Variants in TBC1D9 observed in about 807,000 individuals in gnomAD.
The protein encoded by TBC1D9 is TBC1 domain family member 9, also known as TBC1 domain family member 9A.
Under a neutral mutation model 132.0 loss-of-function variants are expected in TBC1D9, and 63 were observed. That is an observed-to-expected ratio of 0.48 (90% CI 0.39 to 0.59). The LOEUF (loss-of-function observed/expected upper bound fraction) is 0.59, where lower values mean the gene tolerates loss of function less well. Ranked by LOEUF, TBC1D9 falls within the 20% of genes least tolerant of loss-of-function variation. The pLI is 0.00. For synonymous variants in TBC1D9, 610 were observed against 609.9 expected, an observed-to-expected ratio of 1.00 and a Z score of 0.00; for missense variants, 1,261 against 1,592.7, an observed-to-expected ratio of 0.79 and a Z score of 3.54.
At chr4:140,649,564 T>C (rs1025823797) in intron 13 of TBC1D9, among the ~76,000 whole-genome samples, 1 of 152,106 alleles carries the variant, frequency 6.6e-6, no homozygotes, top group African/African-American at 2.4e-5. Flanking sequence ...AAGCCTAACA[T>C]TACAGGAGGC....
Position 140,712,271 on chromosome 4 carries a change from A to G in TBC1D9, c.131-10657T>C, listed in dbSNP as rs1056012389. ...TCCCTCTGGTATACGGAGTTCATCA[A>G]TGCTACAAACTGGTACGTATTCATA... On this transcript the variant is annotated intron_variant, in intron 1 of 20. Coordinates refer to ENST00000442267, the MANE Select transcript of TBC1D9 (RefSeq NM_015130.3). 10 of 150,116 alleles carry G rather than the reference A, an allele frequency of 6.7e-5. No individual in the cohort carries two copies. The Admixed American group carries it at 6.9e-4, about 10-fold the overall frequency. 9.3% of individuals were successfully genotyped at this position (150,116 alleles called of 1,614,324 possible).
intron 7 of TBC1D9, among the ~76,000 whole-genome samples, chr4:140,670,283 C>T (rs932374013): frequency 3.3e-5 from 5 of 152,182 alleles, no homozygotes; most frequent in African/African-American, 1.2e-4. Flanking sequence ...AGATAGTCAC[C>T]TATCTTTTCA....
At chr4:140,639,245 G>A in intron 14 of TBC1D9, 85 bp downstream of exon 14, 2 of 1,472,336 alleles carry the variant, frequency 1.4e-6, no homozygotes, top group Non-Finnish European at 1.9e-6. Flanking sequence ...ATTGTTTTCA[G>A]TTCTGTCAGG....
Position 140,668,955 on chromosome 4 carries a change from G to C in TBC1D9, c.1550C>G (p.Pro517Arg). Residue 517 changes from proline to arginine, a missense_variant, in exon 9 of 21, where the codon CCG becomes CGG. This residue lies in a region of TBC1D9 where 550 missense variants were observed against 699.0 expected (regional missense o/e 0.79). Coordinates refer to ENST00000442267, the MANE Select transcript of TBC1D9 (RefSeq NM_015130.3). ...CCAGAGCTCCCCACGCATGCTCTCC[G>C]GGATGCCCTTCAACACCAGCTCCCG... ...KTRELVLKGI[P>R]ESMRGELWLL... 2 of 1,613,906 alleles carry C rather than the reference G, an allele frequency of 1.2e-6. No homozygotes were observed. The highest frequency in any genetic ancestry group is 1.1e-5 in the South Asian group (1 of 91,052).
chr4:140,708,861 T>C (rs575999899), intron 1 of TBC1D9, among the ~76,000 whole-genome samples: 4 of 152,154 alleles, frequency 2.6e-5, no homozygotes, highest in Non-Finnish European at 5.9e-5. Flanking sequence ...TTCTGTTCCG[T>C]GACCTCAAAG....
intron 3 of TBC1D9, among the ~76,000 whole-genome samples, chr4:140,681,228 A>C (rs575225735): frequency 6.6e-6 from 1 of 152,224 alleles, no homozygotes; most frequent in South Asian, 2.1e-4. Context: ...CCCATTCTAC[A>C]TGCCTGAAAT....
chr4:140,663,889 G>A (rs1054914752), intron 9 of TBC1D9, among the ~76,000 whole-genome samples: 1 of 151,974 alleles, frequency 6.6e-6, no homozygotes, highest in East Asian at 1.9e-4. Flanking sequence ...AGCTAAGGAA[G>A]GGGAAAAATG....
At position 140,670,934 on chromosome 4, in the gene TBC1D9, G is replaced by C. The variant is rs1737526067; in HGVS notation, c.1060-8C>G. 3 of 1,613,040 alleles carry C rather than the reference G, an allele frequency of 1.9e-6. No homozygotes were observed. The highest frequency in any genetic ancestry group is 2.5e-6 in the Non-Finnish European group (3 of 1,179,102). ...CTTTTCCACAATTGTCACCTGAAAA[G>C]AAGTGGGAAACAAAGAGCATTATTT... On this transcript the variant is annotated splice_polypyrimidine_tract_variant and splice_region_variant and intron_variant, in intron 6 of 20. Coordinates refer to ENST00000442267, the MANE Select transcript of TBC1D9 (RefSeq NM_015130.3).
chr4:140,719,023 G>C (rs1738382282), intron 1 of TBC1D9, among the ~76,000 whole-genome samples: 1 of 151,934 alleles, frequency 6.6e-6, no homozygotes, highest in South Asian at 2.1e-4. Flanking sequence ...GCTGAGGCAG[G>C]AGAATCACTT....
intron 13 of TBC1D9, chr4:140,644,145 T>G: frequency 2.7e-6 from 1 of 372,526 alleles, no homozygotes. Flanking sequence ...CAGGAAAGGG[T>G]AGGGCCTCCC....
intron 1 of TBC1D9, among the ~76,000 whole-genome samples, chr4:140,752,770 A>T (rs539303465): frequency 5.3e-5 from 8 of 152,290 alleles, no homozygotes; most frequent in African/African-American, 7.2e-5. Flanking sequence ...CTTAATTTTT[A>T]AAAAATGTTA....
rs776432652 is a variant in TBC1D9, at chr4:140,622,167, C to T, written c.*28G>A. On this transcript the variant is annotated 3_prime_UTR_variant, in exon 21 of 21. Coordinates refer to ENST00000442267, the MANE Select transcript of TBC1D9 (RefSeq NM_015130.3). The stretch of plus-strand genomic sequence containing the variant: ...ATAAAAAATCCCTCCCCTCCCTCTC[C>T]TCCCACTCCCCCGGGAAGGCGCCCG... The T allele has an allele frequency of 1.4e-5, 21 of 1,537,284 alleles. No homozygotes were observed. Among genetic ancestry groups the T allele is most frequent in the South Asian group, 5.0e-5 (4 of 79,266 alleles).
rs762318436 is a variant in TBC1D9 at position 140,701,574 on chromosome 4, G to A, written c.171C>T (p.Ser57=). Residue 57 remains serine, a synonymous_variant, in exon 2 of 21, where the codon AGC becomes AGT. Transcript: ENST00000442267. ...VGTLDVVLDS[S]ARVAPYRILY... is the part of the protein sequence containing the mutation. ...AGATTCGGTAAGGAGCGACCCGGGC[G>A]CTGGAGTCCAACACAACATCAAGGG... is the stretch of plus-strand genomic sequence containing the variant. 1.5e-5 allele frequency: 24 copies of A among 1,613,930 alleles called. No individual in the cohort carries two copies. The highest frequency in any genetic ancestry group is 4.5e-5 in the East Asian group (2 of 44,876).
At chr4:140,730,202 T>C (rs989828944) in intron 1 of TBC1D9, among the ~76,000 whole-genome samples, 2 of 152,214 alleles carry the variant, frequency 1.3e-5, no homozygotes, top group Non-Finnish European at 2.9e-5. Context: ...TAAGCCTGCA[T>C]GGGACCATCA....
chr4:140,661,462 T>C (rs1194717601), intron 10 of TBC1D9, among the ~76,000 whole-genome samples: 2 of 152,156 alleles, frequency 1.3e-5, no homozygotes, highest in African/African-American at 4.8e-5. Context: ...GTGCTGAGGA[T>C]GCCCTCTCTT....
chr4:140,726,252 G>A (rs1340542399), intron 1 of TBC1D9, among the ~76,000 whole-genome samples: 1 of 151,570 alleles, frequency 6.6e-6, no homozygotes, highest in Non-Finnish European at 1.5e-5. Context: ...CTGCACCACT[G>A]AACTCCACCC....
chr4:140,641,090 C>CAAAAAAAAAAAAAAAAAAAAA (rs35813378), intron 13 of TBC1D9, among the ~76,000 whole-genome samples: 45 of 35,030 alleles, frequency 1.3e-3, no homozygotes, highest in African/African-American at 2.4e-3. Flanking sequence ...TAATACTAAG[C>CAAAAAAAAAAAAAAAAAAAAA]AAAAAAAAAA....
intron 9 of TBC1D9, among the ~76,000 whole-genome samples, chr4:140,664,040 C>CAAAAA (rs1224457471): frequency 8.9e-6 from 1 of 112,926 alleles, no homozygotes; most frequent in Non-Finnish European, 1.8e-5. Context: ...CTCTCCCCAC[C>CAAAAA]AAAAAAAAAA....
At chr4:140,748,816 T>C (rs1197404200) in intron 1 of TBC1D9, among the ~76,000 whole-genome samples, 1 of 152,192 alleles carries the variant, frequency 6.6e-6, no homozygotes, top group Non-Finnish European at 1.5e-5. Flanking sequence ...GATGTTTTTC[T>C]GGCAGTGGAA....
Sources: allele counts gnomAD v4.1 joint callset (sites outside exome capture counted in the v4.1 genomes callset), GRCh38; gene constraint gnomAD v4.1.1; regional missense constraint gnomAD v4.1.1; transcripts MANE v1.5; gene names NCBI Gene and HGNC (gene_info 2026-07-23, HGNC 2026-07-21).